NR4A3: variants seen among roughly 807,000 people sequenced by gnomAD.
NR4A3 encodes the protein chondrosarcoma, extraskeletal myxoid, fused to EWS.
A neutral mutation model predicts 55.6 loss-of-function variants in NR4A3; 13 were observed. The observed-to-expected ratio is 0.23, with a 90% CI of 0.15 to 0.37. The LOEUF (loss-of-function observed/expected upper bound fraction) is 0.37, where lower values mean the gene tolerates loss of function less well. Ranked by LOEUF, NR4A3 falls within the 10% of genes least tolerant of loss-of-function variation. The pLI is 1.00. For synonymous variants in NR4A3, 342 were observed against 357.9 expected (o/e 0.96, Z 0.50); for missense variants, 646 against 822.8 (o/e 0.79, Z 2.63).
intron 5 of NR4A3, chr9:99,833,670 C>T (rs769827334): frequency 6.3e-7 from 1 of 1,579,704 alleles, no homozygotes; most frequent in Non-Finnish European, 8.6e-7. Flanking sequence ...ACAAGTGACC[C>T]TGACAGTGCT....
Position 99,863,781 on chromosome 9 carries a change from C to T in NR4A3, c.1795C>T (p.Gln599Ter). 6.2e-7 allele frequency: 1 copy of T among 1,613,892 alleles called. No individual in the cohort carries two copies. Among genetic ancestry groups the T allele is most frequent in the Non-Finnish European group, 8.5e-7 (1 of 1,179,942 alleles). ...ELRKICTLGLQRIFYLKLEDL... is the reference protein window; with the variant it reads ...ELRKICTLGL ...GAGGAAGATCTGCACCCTGGGCCTC[C>T]AGCGCATCTTCTACCTGAAGCTGGA... The change falls in exon 8 of 8, where the codon CAG becomes TAG. Residue 599 changes from glutamine (Q) to a stop codon, truncating the protein, a stop_gained. Coordinates refer to ENST00000395097, the MANE Select transcript of NR4A3 (RefSeq NM_006981.4). LOFTEE classifies it high-confidence loss of function.
At chr9:99,852,214 C>T (rs1827861461) in intron 7 of NR4A3, among the ~76,000 whole-genome samples, 1 of 152,182 alleles carries the variant, frequency 6.6e-6, no homozygotes, top group Non-Finnish European at 1.5e-5. Flanking sequence ...GGAAAGAGAA[C>T]AGCAAGGGCA....
At chr9:99,838,070 C>T (rs188684963) in intron 5 of NR4A3, among the ~76,000 whole-genome samples, 38 of 152,322 alleles carry the variant, frequency 2.5e-4, no homozygotes, top group African/African-American at 8.7e-4. Flanking sequence ...TACATCAGTG[C>T]AGTCAAAACA....
chr9:99,849,026 A>G (rs1285015687), intron 7 of NR4A3, among the ~76,000 whole-genome samples: 1 of 152,224 alleles, frequency 6.6e-6, no homozygotes, highest in Non-Finnish European at 1.5e-5. Flanking sequence ...GCTCTTGGCT[A>G]TAGAAAACAT....
intron 5 of NR4A3, among the ~76,000 whole-genome samples, chr9:99,837,028 GT>G (rs1236160682): frequency 7.9e-4 from 120 of 152,088 alleles, no homozygotes; most frequent in Admixed American, 2.0e-3. Flanking sequence ...GTCTATTTAG[GT>G]TTTTTATCTA....
At position 99,865,144 on chromosome 9, in the gene NR4A3, G is replaced by T; in HGVS notation, c.*1277G>T. ...TTACTATGAGATAATTTGTTGCATA[G>T]TGTCCTTATTTGTATAAACATTTGT... On this transcript the variant is annotated 3_prime_UTR_variant, in exon 8 of 8. Coordinates refer to ENST00000395097, the MANE Select transcript of NR4A3 (RefSeq NM_006981.4). The surrounding 1 kb of genome is among the most constrained non-coding windows in gnomAD (Gnocchi z 4.3). 1 of 193,190 alleles carries T rather than the reference G, an allele frequency of 5.2e-6. No individual in the cohort carries two copies. Among genetic ancestry groups the T allele is most frequent in the Non-Finnish European group, 1.1e-5 (1 of 92,252 alleles). The allele number at this position is 193,190 out of a possible 1,614,324, so 12.0% of individuals were successfully genotyped here. A position where few individuals can be genotyped will look rare whatever the true frequency, so the allele number is the denominator to read the frequency against.
At chr9:99,823,244 AAAT>A (rs1323601020) in intron 1 of NR4A3, among the ~76,000 whole-genome samples, 4 of 152,060 alleles carry the variant, frequency 2.6e-5, no homozygotes, top group Admixed American at 6.5e-5. Flanking sequence ...CTCTTAGTAG[AAAT>A]GAAAGTTCTC....
chr9:99,842,108 A>ATTTT lies in NR4A3; in HGVS notation c.1255-2525_1255-2522dup, dbSNP rs10626492. On this transcript the variant is annotated intron_variant, in intron 5 of 7. Coordinates refer to ENST00000395097, the MANE Select transcript of NR4A3 (RefSeq NM_006981.4). ...GAGATTAAAGTAGCTGGACTCTCTG[A>ATTTT]TTTTTTTTTTTTTTTTTTTAGTTAT... Among the ~76,000 whole-genome samples, 257 of 136,126 alleles carry ATTTT rather than the reference A, an allele frequency of 1.9e-3. 1 individual carries two copies. Among genetic ancestry groups the ATTTT allele is most frequent in the African/African-American group, 6.4e-3 (235 of 36,710 alleles). 89.3% of individuals were successfully genotyped at this position (136,126 alleles called of 152,430 possible).
intron 3 of NR4A3, among the ~76,000 whole-genome samples, chr9:99,832,098 A>G (rs1234173479): frequency 6.6e-6 from 1 of 152,132 alleles, no homozygotes; most frequent in Non-Finnish European, 1.5e-5. Flanking sequence ...TCAGGAATGG[A>G]CTGTTTATCA....
At chr9:99,833,670 C>A (rs769827334) in intron 5 of NR4A3, 1 of 1,579,704 alleles carries the variant, frequency 6.3e-7, no homozygotes. Flanking sequence ...ACAAGTGACC[C>A]TGACAGTGCT....
chr9:99,833,948 A>G (rs1006573498), intron 5 of NR4A3: 45 of 1,174,386 alleles, frequency 3.8e-5, no homozygotes, highest in Non-Finnish European at 4.6e-5. Flanking sequence ...ATCAGTTGTC[A>G]GGAGAACTGG....
Position 99,865,283 on chromosome 9 carries a change from T to C in NR4A3, c.*1416T>C. 5.7e-6 allele frequency: 1 copy of C among 174,494 alleles called. No individual in the cohort carries two copies. Among genetic ancestry groups the C allele is most frequent in the Non-Finnish European group, 1.2e-5 (1 of 81,256 alleles). The allele number at this position is 174,494 out of a possible 1,614,324, so 10.8% of individuals were successfully genotyped here. A position where few individuals can be genotyped will look rare whatever the true frequency, so the allele number is the denominator to read the frequency against. ...GTTCACAGTGACTTGGATACACCAA[T>C]TAGAAATTAAATAAGCAAATATATA... On this transcript the variant is annotated 3_prime_UTR_variant, in exon 8 of 8. Coordinates refer to ENST00000395097, the MANE Select transcript of NR4A3 (RefSeq NM_006981.4). This position sits in a 1 kb window ranked among gnomAD's most constrained non-coding sequence, Gnocchi z 4.3.
chr9:99,846,035 T>C (rs1382272220), intron 6 of NR4A3, among the ~76,000 whole-genome samples: 1 of 152,168 alleles, frequency 6.6e-6, no homozygotes, highest in African/African-American at 2.4e-5. Context: ...ATTCACCATG[T>C]TTTCTCCCAG....
intron 6 of NR4A3, among the ~76,000 whole-genome samples, chr9:99,846,935 A>G (rs564424821): frequency 1.7e-4 from 26 of 152,360 alleles, no homozygotes; most frequent in African/African-American, 5.8e-4. Flanking sequence ...GGCGTGAGGC[A>G]TCGCACCTGG....
In NR4A3 at chr9:99,845,092, G is replaced by A. The variant is rs555326043; in HGVS notation, c.1454+244G>A. ...ACCCTGAGCAGGTCACTTGCCTGACGGGAAGTTCAATTCCATCCTCCTTAA... is the reference window on the plus strand; with the variant it reads ...ACCCTGAGCAGGTCACTTGCCTGACAGGAAGTTCAATTCCATCCTCCTTAA... On this transcript the variant is annotated intron_variant, in intron 6 of 7. Transcript: ENST00000395097. Among the ~76,000 whole-genome samples, 16 of 152,242 alleles carry A rather than the reference G, an allele frequency of 1.1e-4. No homozygotes were observed. In the South Asian group the frequency reaches 3.1e-3, roughly 30 times the overall value.
chr9:99,851,224 A>G (rs1302029646), intron 7 of NR4A3, among the ~76,000 whole-genome samples: 3 of 152,172 alleles, frequency 2.0e-5, no homozygotes, highest in African/African-American at 7.2e-5. Flanking sequence ...AGTGGGTTTG[A>G]TAAGTGTGAA....
At chr9:99,836,443 G>A (rs896018906) in intron 5 of NR4A3, among the ~76,000 whole-genome samples, 1 of 152,214 alleles carries the variant, frequency 6.6e-6, no homozygotes, top group African/African-American at 2.4e-5. Context: ...GACCCAAGTT[G>A]ATGATGGTTG....
At chr9:99,824,595 T>C (rs1827257853) in intron 1 of NR4A3, among the ~76,000 whole-genome samples, 1 of 152,194 alleles carries the variant, frequency 6.6e-6, no homozygotes. Flanking sequence ...TCTCTCTTCC[T>C]GCAGGCAAGC....
chr9:99,863,756 G>A lies in NR4A3; in HGVS notation c.1770G>A (p.Leu590=). The stretch of plus-strand genomic sequence containing the variant: ...AGGTCCTGGGTGCCCTGGTAGAACT[G>A]AGGAAGATCTGCACCCTGGGCCTCC... ...ESKVLGALVE[L]RKICTLGLQR... is the part of the protein sequence containing the mutation. The change falls in exon 8 of 8, where the codon CTG becomes CTA. Residue 590 remains leucine, a synonymous_variant. Coordinates refer to ENST00000395097, the MANE Select transcript of NR4A3 (RefSeq NM_006981.4). The A allele has an allele frequency of 1.2e-6, 2 of 1,613,738 alleles. No individual in the cohort carries two copies. The highest frequency in any genetic ancestry group is 1.7e-6 in the Non-Finnish European group (2 of 1,179,934).
Sources: allele counts gnomAD v4.1 joint callset (sites outside exome capture counted in the v4.1 genomes callset), GRCh38; gene constraint gnomAD v4.1.1; non-coding constraint Gnocchi (gnomAD v3.1); transcripts MANE v1.5; gene names NCBI Gene and HGNC (gene_info 2026-07-23, HGNC 2026-07-21).